The following PRELID3A variants were observed in gnomAD, a reference collection of about 807,000 sequenced individuals.
PRELID3A encodes PRELI domain containing protein 3A.
Under a neutral mutation model 23.0 loss-of-function variants are expected in PRELID3A, and 27 were observed. The ratio of observed to expected loss-of-function variants is 1.17; its 90% confidence interval spans 0.87 to 1.62. PRELID3A has a LOEUF of 1.62. PRELID3A is among the 40% of genes most tolerant of loss of function. PRELID3A has a pLI of 0.00. For missense variants in PRELID3A, 231 were observed against 231.4 expected (o/e 1.00, Z 0.01); for synonymous variants, 87 against 86.4 (o/e 1.01, Z -0.04).
intron 3 of PRELID3A, among the ~76,000 whole-genome samples, chr18:12,423,438 G>A (rs1447739490): frequency 2.6e-5 from 4 of 152,180 alleles, no homozygotes; most frequent in African/African-American, 9.7e-5. Context: ...GTGAGAGGTA[G>A]CAGAGGCCAC....
At chr18:12,415,916 C>T (rs1374456091) in intron 1 of PRELID3A, among the ~76,000 whole-genome samples, 1 of 152,208 alleles carries the variant, frequency 6.6e-6, no homozygotes, top group Non-Finnish European at 1.5e-5. Context: ...GCCATCCATG[C>T]TGGGTGGCAG....
rs745581609 is a variant in PRELID3A, at chr18:12,427,103, C to T, written c.354C>T (p.Asn118=). 6.2e-7 allele frequency: 1 copy of T among 1,612,800 alleles called. No individual in the cohort carries two copies. Among genetic ancestry groups the T allele is most frequent in the South Asian group, 1.1e-5 (1 of 91,048 alleles). ...ERLVYTPHPE[N]PEMTVLTQEA... ...TGGTGTACACACCTCATCCAGAGAACCCAGAAATGTGAGTCATCTCCTGTG... is the reference window on the plus strand; with the variant it reads ...TGGTGTACACACCTCATCCAGAGAATCCAGAAATGTGAGTCATCTCCTGTG... The change falls in exon 4 of 7, where the codon AAC becomes AAT. Residue 118 remains asparagine (N), a synonymous_variant. Transcript: ENST00000440960.
chr18:12,431,551 C>G lies in PRELID3A; in HGVS notation c.*435C>G, dbSNP rs1271722089. 6.6e-6 allele frequency: 1 copy of G among 152,162 alleles called. No homozygotes were observed. 9.4% of individuals were successfully genotyped at this position (152,162 alleles called of 1,614,324 possible). On this transcript the variant is annotated 3_prime_UTR_variant, in exon 7 of 7. Transcript: ENST00000440960. Reference sequence around the variant, plus strand: ...GGTGTGCCGCCCTCCAGCCTCTCCGCCCCCGTCCCCTCGGTCCTGCAGATC... The same window carrying G: ...GGTGTGCCGCCCTCCAGCCTCTCCGGCCCCGTCCCCTCGGTCCTGCAGATC...
intron 5 of PRELID3A, 56 bp downstream of exon 5, chr18:12,427,379 T>G: frequency 7.9e-7 from 1 of 1,263,350 alleles, no homozygotes; most frequent in Non-Finnish European, 1.2e-6. Context: ...AGTGCCAGAT[T>G]AAGAATATGA....
chr18:12,415,388 T>C (rs995123946), intron 1 of PRELID3A, among the ~76,000 whole-genome samples: 8 of 152,100 alleles, frequency 5.3e-5, no homozygotes, highest in Non-Finnish European at 1.2e-4. Flanking sequence ...GGCTCCTAAG[T>C]AGCTGGGACT....
chr18:12,427,562 G>A lies in PRELID3A; in HGVS notation c.465+239G>A, dbSNP rs1170031066. On this transcript the variant is annotated intron_variant, in intron 5 of 6. Transcript: ENST00000440960. ...ATACAAAAATTAGCTGGGCATAGTG[G>A]CACACCTCTGTAGTCCCAGCTACTC... Among the ~76,000 whole-genome samples the A allele has an allele frequency of 2.0e-5, 3 of 151,946 alleles. No homozygotes were observed. In the East Asian group the frequency reaches 5.8e-4, roughly 29 times the overall value.
At position 12,407,989 on chromosome 18, in the gene PRELID3A, G is replaced by A. The variant is rs1309275038; in HGVS notation, c.14G>A (p.Ser5Asn). The A allele has an allele frequency of 3.8e-6, 5 of 1,300,260 alleles. No homozygotes were observed. Among genetic ancestry groups the A allele is most frequent in the South Asian group, 4.9e-5 (2 of 40,568 alleles). The allele number at this position is 1,300,260 out of a possible 1,614,324, so 80.5% of individuals were successfully genotyped here. The change falls in exon 1 of 7, where the codon AGC (serine) becomes AAC (asparagine). Residue 5 changes from serine (S) to asparagine (N), a missense_variant. By Grantham distance (46) the Ser-to-Asn change is conservative. Coordinates refer to ENST00000440960, the MANE Select transcript of PRELID3A (RefSeq NM_001142405.2). MKIW[S>N]SEHVFGHPWD... Reference sequence around the variant, plus strand: ...GCGCCGGCGGCAATGAAGATCTGGAGCTCGGAGCACGTGTTTGGGTGAGGC... The same window carrying A: ...GCGCCGGCGGCAATGAAGATCTGGAACTCGGAGCACGTGTTTGGGTGAGGC...
intron 1 of PRELID3A, chr18:12,410,773 C>G (rs761445825): frequency 3.9e-5 from 6 of 152,038 alleles, no homozygotes; most frequent in Non-Finnish European, 7.3e-5. Flanking sequence ...CTTGGCTCAC[C>G]ACAACCTCTG....
chr18:12,422,864 G>C (rs2030233604), intron 3 of PRELID3A, among the ~76,000 whole-genome samples: 2 of 152,320 alleles, frequency 1.3e-5, no homozygotes, highest in African/African-American at 2.4e-5. Context: ...CCCTCATCTG[G>C]CCTCACTTTT....
intron 6 of PRELID3A, 81 bp from the exon 7 acceptor site, chr18:12,431,069 C>G (rs1461849151): frequency 1.5e-5 from 2 of 133,846 alleles, no homozygotes; most frequent in African/African-American, 5.5e-5. Flanking sequence ...CGGTGTGTGT[C>G]ATGAGTGTGG....
At chr18:12,429,048 C>T (rs981101788) in intron 5 of PRELID3A, among the ~76,000 whole-genome samples, 4 of 152,096 alleles carry the variant, frequency 2.6e-5, no homozygotes, top group Non-Finnish European at 4.4e-5. Flanking sequence ...CCTGGGCTTT[C>T]CTGGCCTCCT....
intron 5 of PRELID3A, among the ~76,000 whole-genome samples, chr18:12,427,871 G>C (rs1447557725): frequency 1.3e-5 from 2 of 152,100 alleles, no homozygotes; most frequent in African/African-American, 4.8e-5. Context: ...ACTCTTCTCA[G>C]TAGAGAAAGT....
rs543875417 is a variant in PRELID3A at position 12,417,161 on chromosome 18, TG to T, written c.33-3163del. ...TAGTTTAAATCATCAGCCAGAAAGA[TG>T]CAAATTTTTTTATTTTTATTTTTAT... On this transcript the variant is annotated intron_variant, in intron 1 of 6. Transcript: ENST00000440960. Among the ~76,000 whole-genome samples, 81 of 152,236 alleles carry T rather than the reference TG, an allele frequency of 5.3e-4. 1 individual carries two copies. Among genetic ancestry groups the T allele is most frequent in the African/African-American group, 1.5e-3 (62 of 41,542 alleles).
chr18:12,429,264 G>A, intron 5 of PRELID3A, 86 bp from the exon 6 acceptor site: 1 of 1,142,842 alleles, frequency 8.8e-7, no homozygotes, highest in Non-Finnish European at 1.3e-6. Context: ...CTTGCCTTCT[G>A]CAGTTTAGCC....
At chr18:12,415,610 A>G (rs1217899572) in intron 1 of PRELID3A, among the ~76,000 whole-genome samples, 2 of 152,162 alleles carry the variant, frequency 1.3e-5, no homozygotes, top group Non-Finnish European at 2.9e-5. Flanking sequence ...CTATGCAAAC[A>G]TGGAGAGACT....
chr18:12,421,459 T>C, intron 2 of PRELID3A, 81 bp from the exon 3 acceptor site: 1 of 864,028 alleles, frequency 1.2e-6, no homozygotes, highest in Non-Finnish European at 2.0e-6. Context: ...GTGAACTAAT[T>C]AGTAAATGCA....
Position 12,415,006 on chromosome 18 carries a change from G to A in PRELID3A, c.33-5319G>A, listed in dbSNP as rs9956777. On this transcript the variant is annotated intron_variant, in intron 1 of 6. Transcript: ENST00000440960. ...TGCAGTAGTGCAATCACGACTTACTGCAGCCTCAAACTGTTTGGCTTAAGT... is the reference window on the plus strand; with the variant it reads ...TGCAGTAGTGCAATCACGACTTACTACAGCCTCAAACTGTTTGGCTTAAGT... Among the ~76,000 whole-genome samples, 1,107 of 152,032 alleles carry A rather than the reference G, an allele frequency of 7.3e-3. 14 individuals are homozygous for A. Among genetic ancestry groups the A allele is most frequent in the African/African-American group, 0.025 (1,046 of 41,456 alleles).
rs1489896907 is a variant in PRELID3A at position 12,427,318 on chromosome 18, A to G, written c.460A>G (p.Lys154Glu). 2 of 1,604,624 alleles carry G rather than the reference A, an allele frequency of 1.2e-6. No individual in the cohort carries two copies. The highest frequency in any genetic ancestry group is 4.5e-5 in the East Asian group (2 of 44,848). ...GGCCAATACGATATCATCCAATGCA[A>G]AGAAGGTATGTATCTCAATCCTAGG... ...LMANTISSNAKKGWAAIEWII... is the reference protein window; with the variant it reads ...LMANTISSNAEKGWAAIEWII... Residue 154 changes from lysine (K) to glutamate (E), a missense_variant, in exon 5 of 7, where the codon AAG becomes GAG. Physicochemically the swap from Lys to Glu is moderately conservative, Grantham distance 56 (BLOSUM62 1). Transcript: ENST00000440960.
intron 1 of PRELID3A, among the ~76,000 whole-genome samples, chr18:12,409,989 T>A (rs1351315313): frequency 2.0e-5 from 3 of 152,196 alleles, no homozygotes; most frequent in African/African-American, 7.2e-5. Flanking sequence ...GCTCATTAGC[T>A]TCACATTTTA....
Sources: allele counts gnomAD v4.1 joint callset (sites outside exome capture counted in the v4.1 genomes callset), GRCh38; gene constraint gnomAD v4.1.1; transcripts MANE v1.5; gene names NCBI Gene and HGNC (gene_info 2026-07-23, HGNC 2026-07-21).